MYO5B: variants seen among roughly 807,000 people sequenced by gnomAD.
The protein encoded by MYO5B is unconventional myosin-Vb.
MYO5B carries 143 observed loss-of-function variants against 229.3 expected under a neutral mutation model. That is an observed-to-expected ratio of 0.62 (90% CI 0.54 to 0.72). The LOEUF is 0.72. Among genes scored for constraint, MYO5B ranks in the 30% least tolerant of loss-of-function variants. The pLI, the probability that MYO5B is intolerant of heterozygous loss-of-function variation, is 0.00. For synonymous variants in MYO5B, 918 were observed against 885.2 expected (o/e 1.04, Z -0.66); for missense variants, 2,321 against 2,331.0 (o/e 1.00, Z 0.09).
intron 1 of MYO5B, among the ~76,000 whole-genome samples, chr18:50,056,932 A>G (rs944628878): frequency 1.3e-5 from 2 of 152,188 alleles, no homozygotes; most frequent in Non-Finnish European, 2.9e-5. Flanking sequence ...CATCTGTTTC[A>G]TTACTAAGAA....
intron 1 of MYO5B, among the ~76,000 whole-genome samples, chr18:50,178,122 C>T (rs2033022500): frequency 6.6e-6 from 1 of 152,156 alleles, no homozygotes; most frequent in African/African-American, 2.4e-5. Flanking sequence ...CCCAACCCAC[C>T]GAGGCTGAGT....
At chr18:50,148,052 ACAC>A (rs1289883047) in intron 1 of MYO5B, among the ~76,000 whole-genome samples, 1 of 150,448 alleles carries the variant, frequency 6.6e-6, no homozygotes, top group Non-Finnish European at 1.5e-5. Context: ...AATACTACAA[ACAC>A]CTCTATGCAA....
intron 1 of MYO5B, among the ~76,000 whole-genome samples, chr18:50,076,772 G>A (rs891108683): frequency 1.3e-5 from 2 of 152,158 alleles, no homozygotes; most frequent in Non-Finnish European, 2.9e-5. Context: ...AGCTCCCTGT[G>A]TGTGTCTCTC....
intron 22 of MYO5B, among the ~76,000 whole-genome samples, chr18:49,882,351 T>TTTTATAGAGAAA (rs1270301876): frequency 2.2e-5 from 2 of 92,200 alleles, no homozygotes; most frequent in African/African-American, 8.4e-5. Flanking sequence ...CCCGGCCAGG[T>TTTTATAGAGAAA]ACCGTGCGTG....
At chr18:50,162,672 A>G (rs2032785217) in intron 1 of MYO5B, among the ~76,000 whole-genome samples, 1 of 152,184 alleles carries the variant, frequency 6.6e-6, no homozygotes, top group Non-Finnish European at 1.5e-5. Flanking sequence ...ACATTTCTTC[A>G]CAGTGCTGGC....
intron 22 of MYO5B, among the ~76,000 whole-genome samples, chr18:49,889,268 A>T (rs2024681893): frequency 6.6e-6 from 1 of 152,244 alleles, no homozygotes; most frequent in Non-Finnish European, 1.5e-5. Context: ...CTAATTTGCT[A>T]TTGCTGGAGG....
At chr18:50,134,411 C>T (rs940848510) in intron 1 of MYO5B, among the ~76,000 whole-genome samples, 1 of 151,820 alleles carries the variant, frequency 6.6e-6, no homozygotes, top group Admixed American at 6.6e-5. Context: ...AAAACTTAGC[C>T]AGGTGTGGTG....
At chr18:49,936,562 T>C (rs2025252546) in intron 15 of MYO5B, among the ~76,000 whole-genome samples, 1 of 152,138 alleles carries the variant, frequency 6.6e-6, no homozygotes, top group Non-Finnish European at 1.5e-5. Context: ...TAAGGGTTCC[T>C]TGAATTACAT....
At chr18:49,832,083 G>C (rs1192968166) in intron 39 of MYO5B, among the ~76,000 whole-genome samples, 1 of 152,142 alleles carries the variant, frequency 6.6e-6, no homozygotes, top group Non-Finnish European at 1.5e-5. Context: ...TGCCCAAATG[G>C]GTAGTGTTTC....
intron 1 of MYO5B, among the ~76,000 whole-genome samples, chr18:50,183,314 T>TATATATATAC (rs2033099982): frequency 2.3e-5 from 1 of 43,172 alleles, no homozygotes; most frequent in Admixed American, 3.8e-4. Context: ...ATCATATATA[T>TATATATATAC]ATATATATAT....
chr18:50,046,752 T>C (rs1411196031), intron 2 of MYO5B, among the ~76,000 whole-genome samples: 1 of 152,058 alleles, frequency 6.6e-6, no homozygotes, highest in South Asian at 2.1e-4. Flanking sequence ...TATAGACCAA[T>C]GGAACAGAAC....
At chr18:49,938,792 TA>T (rs1282164423) in intron 14 of MYO5B, among the ~76,000 whole-genome samples, 1 of 152,186 alleles carries the variant, frequency 6.6e-6, no homozygotes, top group Non-Finnish European at 1.5e-5. Context: ...GTGCTATTTT[TA>T]CTTGAAATAC....
At chr18:50,111,288 A>G (rs565826264) in intron 1 of MYO5B, among the ~76,000 whole-genome samples, 3 of 152,354 alleles carry the variant, frequency 2.0e-5, no homozygotes, top group South Asian at 4.1e-4. Flanking sequence ...CAAAAAGTTA[A>G]ACTGCAGTTA....
At chr18:49,919,874 A>C (rs895213242) in intron 17 of MYO5B, among the ~76,000 whole-genome samples, 5 of 152,250 alleles carry the variant, frequency 3.3e-5, no homozygotes, top group Non-Finnish European at 7.3e-5. Context: ...AAGTGTTCAT[A>C]GCAGCATTCT....
rs1405097745 is a variant in MYO5B, at chr18:50,001,341, C to T, written c.526G>A (p.Ala176Thr). The T allele has an allele frequency of 6.2e-7, 1 of 1,614,186 alleles. No homozygotes were observed. Among genetic ancestry groups the T allele is most frequent in the Non-Finnish European group, 8.5e-7 (1 of 1,180,022 alleles). The change falls in exon 5 of 40, where the codon GCC (alanine) becomes ACC (threonine). Residue 176 changes from alanine (A) to threonine (T), a missense_variant. Transcript: ENST00000285039. ...GAGKTVSAKYAMRYFATVGGS... is the reference protein window; with the variant it reads ...GAGKTVSAKYTMRYFATVGGS... The stretch of plus-strand genomic sequence containing the variant: ...CCAACGGTGGCGAAATAGCGCATGG[C>T]ATACTTGGCTGATACCGTCTTCCCG...
intron 8 of MYO5B, 116 bp from the exon 9 acceptor site, chr18:49,980,669 C>G (rs990301810): frequency 2.2e-5 from 16 of 743,474 alleles, no homozygotes; most frequent in Non-Finnish European, 3.1e-5. Flanking sequence ...CTTTCTGACC[C>G]GATGACTCCT....
intron 1 of MYO5B, among the ~76,000 whole-genome samples, chr18:50,061,458 T>C (rs1374716086): frequency 6.6e-6 from 1 of 152,146 alleles, no homozygotes; most frequent in Non-Finnish European, 1.5e-5. Flanking sequence ...AAACCTAAGG[T>C]GGTCCATGTT....
At chr18:50,137,853 T>C (rs1258865923) in intron 1 of MYO5B, among the ~76,000 whole-genome samples, 1 of 23,342 alleles carries the variant, frequency 4.3e-5, no homozygotes, top group Admixed American at 7.6e-4. Context: ...CTGGACGCCA[T>C]TATCCCTGGC....
intron 1 of MYO5B, among the ~76,000 whole-genome samples, chr18:50,164,265 ACT>A (rs1217014291): frequency 1.3e-5 from 2 of 151,932 alleles, no homozygotes; most frequent in Non-Finnish European, 2.9e-5. Context: ...TCTCATTTCC[ACT>A]CTATTTCAGG....
Sources: gnomAD v4.1 joint callset for allele counts (sites outside exome capture counted in the v4.1 genomes callset) on GRCh38, gnomAD v4.1.1 for gene constraint, MANE v1.5 for transcripts, NCBI Gene and HGNC (gene_info 2026-07-23, HGNC 2026-07-21) for gene names.